Variants in NFIA observed in about 807,000 individuals in gnomAD.
The protein encoded by NFIA is nuclear factor I A, also known as nuclear factor 1 A-type.
In NFIA, 8 loss-of-function variants were observed where a neutral mutation model predicts 62.8. The ratio of observed to expected loss-of-function variants is 0.13; its 90% CI spans 0.07 to 0.23. The LOEUF is 0.23. Ranked by LOEUF, NFIA falls within the 10% of genes least tolerant of loss-of-function variation. The pLI is 1.00. For synonymous variants in NFIA, 235 were observed against 238.1 expected, an observed-to-expected ratio of 0.99 and a Z score of 0.12; for missense variants, 410 against 642.1, an observed-to-expected ratio of 0.64 and a Z score of 3.91.
intron 9 of NFIA, among the ~76,000 whole-genome samples, chr1:61,422,735 C>G (rs1018282107): frequency 1.1e-4 from 15 of 132,934 alleles, no homozygotes; most frequent in African/African-American, 4.4e-4. Flanking sequence ...GGCGAGACCC[C>G]CGTCTCTATT....
chr1:61,129,479 TCAC>T, intron 2 of NFIA, among the ~76,000 whole-genome samples: 1 of 144,742 alleles, frequency 6.9e-6, no homozygotes, highest in African/African-American at 2.6e-5. Flanking sequence ...AGATGGAGTC[TCAC>T]TCTGTCGCCC....
chr1:61,400,415 C>G (rs908429808), intron 7 of NFIA, among the ~76,000 whole-genome samples: 2 of 152,180 alleles, frequency 1.3e-5, no homozygotes, highest in African/African-American at 4.8e-5. Flanking sequence ...CTCTGCTGCT[C>G]CTGGCCTAGG....
intron 2 of NFIA, among the ~76,000 whole-genome samples, chr1:61,186,643 T>C (rs985268703): frequency 2.0e-5 from 3 of 152,218 alleles, no homozygotes; most frequent in Non-Finnish European, 4.4e-5. Flanking sequence ...AGATGCCTTA[T>C]AGGAAGTAGC....
chr1:61,415,779 CA>C (rs1161013339), intron 9 of NFIA, among the ~76,000 whole-genome samples: 1 of 151,958 alleles, frequency 6.6e-6, no homozygotes, highest in African/African-American at 2.4e-5. Context: ...AAGTTTATAA[CA>C]CAAAAACATG....
intron 2 of NFIA, among the ~76,000 whole-genome samples, chr1:61,189,608 T>G (rs544114932): frequency 2.0e-5 from 3 of 152,130 alleles, no homozygotes; most frequent in Non-Finnish European, 2.9e-5. Context: ...GAAGTTGCAG[T>G]GAGCCGAGAT....
chr1:61,420,663 A>T (rs1463697770), intron 9 of NFIA, among the ~76,000 whole-genome samples: 1 of 152,156 alleles, frequency 6.6e-6, no homozygotes, highest in Non-Finnish European at 1.5e-5. Flanking sequence ...AATAAAATTG[A>T]ATTTTCGACT....
chr1:61,195,702 T>C (rs1259460790), intron 2 of NFIA, among the ~76,000 whole-genome samples: 1 of 152,190 alleles, frequency 6.6e-6, no homozygotes, highest in Non-Finnish European at 1.5e-5. Flanking sequence ...GTAAATGTTT[T>C]ATAATAAATT....
chr1:61,307,058 G>C (rs1659841676), intron 3 of NFIA, among the ~76,000 whole-genome samples: 1 of 152,160 alleles, frequency 6.6e-6, no homozygotes, highest in South Asian at 2.1e-4. Context: ...TTAAATTAAA[G>C]CTGTGTCTTT....
chr1:61,280,817 C>T (rs1009797688), intron 3 of NFIA, among the ~76,000 whole-genome samples: 2 of 152,142 alleles, frequency 1.3e-5, no homozygotes, highest in East Asian at 1.9e-4. Flanking sequence ...AGCTCTGAAA[C>T]TCAAAATTGG....
chr1:61,243,613 G>A (rs977002365), intron 2 of NFIA, among the ~76,000 whole-genome samples: 6 of 151,908 alleles, frequency 3.9e-5, no homozygotes, highest in Non-Finnish European at 8.8e-5. Flanking sequence ...TTGTAGCTGA[G>A]GCAAAAATTA....
At chr1:61,096,986 C>T (rs895389686) in intron 2 of NFIA, among the ~76,000 whole-genome samples, 7 of 152,038 alleles carry the variant, frequency 4.6e-5, no homozygotes, top group Non-Finnish European at 8.8e-5. Flanking sequence ...ATTAATTCTT[C>T]TAAGGTTTAA....
intron 4 of NFIA, among the ~76,000 whole-genome samples, chr1:61,341,156 C>T (rs769844670): frequency 1.9e-4 from 28 of 149,720 alleles, no homozygotes; most frequent in African/African-American, 2.2e-4. Flanking sequence ...CTCCACCTTC[C>T]GGGTTCACAC....
At chr1:61,079,904 A>C (rs965776091), upstream of NFIA, among the ~76,000 whole-genome samples, 1 of 152,206 alleles carries the variant, frequency 6.6e-6, no homozygotes, top group African/African-American at 2.4e-5. Flanking sequence ...TGTTGGAGAG[A>C]AAGTTACCAG....
chr1:61,258,368 C>A (rs1656554311), intron 2 of NFIA, among the ~76,000 whole-genome samples: 1 of 152,060 alleles, frequency 6.6e-6, no homozygotes, highest in African/African-American at 2.4e-5. Context: ...GTTTCTAGAC[C>A]CATCTTTTTA....
intron 10 of NFIA, among the ~76,000 whole-genome samples, chr1:61,446,413 T>C (rs1667813298): frequency 6.6e-6 from 1 of 151,976 alleles, no homozygotes; most frequent in African/African-American, 2.4e-5. Flanking sequence ...TAGGGGTCTG[T>C]CATGATTCCT....
At chr1:61,383,618 G>A (rs1664533672) in intron 7 of NFIA, among the ~76,000 whole-genome samples, 1 of 152,224 alleles carries the variant, frequency 6.6e-6, no homozygotes, top group Non-Finnish European at 1.5e-5. Flanking sequence ...AGAAAGATGG[G>A]AAGTAACTTG....
intron 3 of NFIA, among the ~76,000 whole-genome samples, chr1:61,303,374 A>G (rs1659591105): frequency 1.3e-5 from 2 of 152,242 alleles, no homozygotes; most frequent in African/African-American, 2.4e-5. Flanking sequence ...TATCAATGAG[A>G]AAAGTATCTA....
At chr1:61,431,965 A>G (rs571075029) in intron 10 of NFIA, among the ~76,000 whole-genome samples, 44 of 152,340 alleles carry the variant, frequency 2.9e-4, no homozygotes, top group Non-Finnish European at 2.5e-4. Context: ...AAGTACAGGG[A>G]ATAAAAACTC....
chr1:61,146,678 C>G (rs1368149730), intron 2 of NFIA, among the ~76,000 whole-genome samples: 2 of 152,234 alleles, frequency 1.3e-5, no homozygotes, highest in East Asian at 3.9e-4. Flanking sequence ...CAAAGCTTTC[C>G]TGTTGTAATT....
Sources: gnomAD v4.1 joint callset for allele counts (sites outside exome capture counted in the v4.1 genomes callset) on GRCh38, gnomAD v4.1.1 for gene constraint, MANE v1.5 for transcripts, NCBI Gene and HGNC (gene_info 2026-07-23, HGNC 2026-07-21) for gene names.